Variants in LRRC8C observed in about 807,000 individuals in gnomAD.
LRRC8C encodes leucine rich repeat containing 8 VRAC subunit C.
A neutral mutation model predicts 55.3 loss-of-function variants in LRRC8C; 20 were observed. The ratio of observed to expected loss-of-function variants is 0.36; its 90% CI spans 0.25 to 0.53. The LOEUF (loss-of-function observed/expected upper bound fraction) is 0.53. LRRC8C is among the 20% of genes least tolerant of loss of function. The probability of loss-of-function intolerance (pLI) is 0.92; values close to 1 mark genes in which losing one functional copy is unlikely to be tolerated. For synonymous variants in LRRC8C, 376 were observed against 360.7 expected, an observed-to-expected ratio of 1.04 and a Z score of -0.48; for missense variants, 659 against 951.4, an observed-to-expected ratio of 0.69 and a Z score of 4.04.
chr1:89,640,771 A>G (rs1299363433), intron 1 of LRRC8C, among the ~76,000 whole-genome samples: 1 of 152,192 alleles, frequency 6.6e-6, no homozygotes, highest in Non-Finnish European at 1.5e-5. Flanking sequence ...TTAGAATTTT[A>G]TCTGAGGATC....
intron 1 of LRRC8C, among the ~76,000 whole-genome samples, chr1:89,670,508 C>T (rs1404669763): frequency 6.6e-6 from 1 of 152,064 alleles, no homozygotes; most frequent in Non-Finnish European, 1.5e-5. Flanking sequence ...ATCATAGCAG[C>T]TAATGCATTG....
chr1:89,661,533 A>T (rs939471712), intron 1 of LRRC8C, among the ~76,000 whole-genome samples: 2 of 152,204 alleles, frequency 1.3e-5, no homozygotes, highest in Admixed American at 1.3e-4. Context: ...TAGTATCTCC[A>T]TAGTGTTTCT....
chr1:89,692,239 G>C (rs186895439), intron 2 of LRRC8C, among the ~76,000 whole-genome samples: 2 of 152,286 alleles, frequency 1.3e-5, no homozygotes, highest in Admixed American at 1.3e-4. Context: ...AATTGAAAGT[G>C]TATCATTCTT....
At chr1:89,639,977 CAT>C (rs1656409515) in intron 1 of LRRC8C, among the ~76,000 whole-genome samples, 1 of 152,182 alleles carries the variant, frequency 6.6e-6, no homozygotes, top group African/African-American at 2.4e-5. Context: ...GCATATAAAA[CAT>C]GAGTTAAGAC....
At chr1:89,704,680 C>T (rs976309425) in intron 2 of LRRC8C, among the ~76,000 whole-genome samples, 1 of 152,080 alleles carries the variant, frequency 6.6e-6, no homozygotes, top group Admixed American at 6.5e-5. Flanking sequence ...AAATGCTCAC[C>T]ATCACTGGCC....
chr1:89,619,069 A>G, the LRRC8C span, among the ~76,000 whole-genome samples: 1 of 152,250 alleles, frequency 6.6e-6, no homozygotes, highest in Non-Finnish European at 1.5e-5. Flanking sequence ...TTTATAGATC[A>G]TGTAAAAAAG....
chr1:89,711,196 G>A (rs1658638655), intron 2 of LRRC8C, among the ~76,000 whole-genome samples: 1 of 152,202 alleles, frequency 6.6e-6, no homozygotes, highest in Non-Finnish European at 1.5e-5. Context: ...CCCTTTCTCA[G>A]AAAATATACA....
At position 89,718,568 on chromosome 1, in the gene LRRC8C, C is replaced by G. The variant is rs962342038; in HGVS notation, c.*3586C>G. ...ATTCTTTAAGTAGTTTCTTTTACCTCTAATCTAATTTCATACCAAATACCT... is the reference window on the plus strand; with the variant it reads ...ATTCTTTAAGTAGTTTCTTTTACCTGTAATCTAATTTCATACCAAATACCT... On this transcript the variant is annotated 3_prime_UTR_variant, in exon 3 of 3. Transcript: ENST00000370454. 6.6e-6 allele frequency: 1 copy of G among 152,116 alleles called. No individual in the cohort carries two copies. The highest frequency in any genetic ancestry group is 2.4e-5 in the African/African-American group (1 of 41,432). The allele number at this position is 152,116 out of a possible 1,614,324, so 9.4% of individuals were successfully genotyped here. A position where few individuals can be genotyped will look rare whatever the true frequency, so the allele number is the denominator to read the frequency against.
chr1:89,706,902 A>G (rs940208621), intron 2 of LRRC8C, among the ~76,000 whole-genome samples: 16 of 152,180 alleles, frequency 1.1e-4, no homozygotes, highest in African/African-American at 3.6e-4. Context: ...TTTTCTCAAC[A>G]TGATGATTTG....
In LRRC8C at chr1:89,718,861, C is replaced by T. The variant is rs1366329398; in HGVS notation, c.*3879C>T. 6.6e-6 allele frequency: 1 copy of T among 152,158 alleles called. No individual in the cohort carries two copies. Among genetic ancestry groups the T allele is most frequent in the South Asian group, 2.1e-4 (1 of 4,834 alleles). The allele number at this position is 152,158 out of a possible 1,614,324, so 9.4% of individuals were successfully genotyped here. A position where few individuals can be genotyped will look rare whatever the true frequency, so the allele number is the denominator to read the frequency against. On this transcript the variant is annotated 3_prime_UTR_variant, in exon 3 of 3. Transcript: ENST00000370454. Reference sequence around the variant, plus strand: ...TTAGCAAAACAAATTAGTTAAACAGCTTGGTTCTTAGCAGACTGCTTAAAA... The same window carrying T: ...TTAGCAAAACAAATTAGTTAAACAGTTTGGTTCTTAGCAGACTGCTTAAAA...
At chr1:89,698,096 T>C (rs1223369662) in intron 2 of LRRC8C, among the ~76,000 whole-genome samples, 1 of 152,186 alleles carries the variant, frequency 6.6e-6, no homozygotes, top group African/African-American at 2.4e-5. Flanking sequence ...AAACAGACCA[T>C]GTGTCCCAAA....
At chr1:89,675,601 A>G (rs1294875128) in intron 1 of LRRC8C, among the ~76,000 whole-genome samples, 1 of 152,232 alleles carries the variant, frequency 6.6e-6, no homozygotes, top group East Asian at 1.9e-4. Context: ...CAAACCAATC[A>G]TTACAGATTT....
the LRRC8C span, among the ~76,000 whole-genome samples, chr1:89,619,011 T>C: frequency 1.3e-5 from 2 of 152,234 alleles, no homozygotes; most frequent in Non-Finnish European, 2.9e-5. Flanking sequence ...CCCTACTCTG[T>C]AGATCACAAA....
At chr1:89,655,593 G>T (rs961861965) in intron 1 of LRRC8C, among the ~76,000 whole-genome samples, 1 of 152,194 alleles carries the variant, frequency 6.6e-6, no homozygotes, top group African/African-American at 2.4e-5. Context: ...ATATCAAGGT[G>T]CAGGCATCTG....
chr1:89,685,197 C>T (rs562546555), intron 1 of LRRC8C, among the ~76,000 whole-genome samples: 1 of 143,766 alleles, frequency 7.0e-6, no homozygotes, highest in Non-Finnish European at 1.5e-5. Flanking sequence ...CGGCTCACTG[C>T]AAGCTCCGCT....
At chr1:89,677,625 C>T (rs979238198) in intron 1 of LRRC8C, among the ~76,000 whole-genome samples, 2 of 152,178 alleles carry the variant, frequency 1.3e-5, no homozygotes, top group South Asian at 2.1e-4. Flanking sequence ...AGCTGTGTTC[C>T]TTGGGCAAGT....
chr1:89,658,612 G>A (rs1657013980), intron 1 of LRRC8C, among the ~76,000 whole-genome samples: 1 of 152,114 alleles, frequency 6.6e-6, no homozygotes. Context: ...GATCACCTAT[G>A]AACAGGATTT....
At chr1:89,676,342 A>G (rs1045273165) in intron 1 of LRRC8C, 4 of 152,248 alleles carry the variant, frequency 2.6e-5, no homozygotes, top group African/African-American at 9.6e-5. Flanking sequence ...GTGACAGAAC[A>G]TTGTGCATTA....
intron 1 of LRRC8C, among the ~76,000 whole-genome samples, chr1:89,671,357 G>A (rs571975674): frequency 5.3e-5 from 8 of 150,052 alleles, no homozygotes; most frequent in African/African-American, 2.0e-4. Flanking sequence ...GGAAGAAAAA[G>A]AGAAAAGTGA....
Sources: allele counts gnomAD v4.1 joint callset (sites outside exome capture counted in the v4.1 genomes callset), GRCh38; gene constraint gnomAD v4.1.1; transcripts MANE v1.5; gene names NCBI Gene and HGNC (gene_info 2026-07-23, HGNC 2026-07-21).